The following DOCK5 variants were observed in gnomAD, a reference collection of about 807,000 sequenced individuals.
DOCK5 encodes the protein dedicator of cytokinesis protein 5.
A neutral mutation model predicts 251.8 loss-of-function variants in DOCK5; 142 were observed. That is an observed-to-expected ratio of 0.56 (90% CI 0.49 to 0.65). The LOEUF (loss-of-function observed/expected upper bound fraction) is 0.65, where lower values mean the gene tolerates loss of function less well. Ranked by LOEUF, DOCK5 falls within the 30% of genes least tolerant of loss-of-function variation. The pLI is 0.00. For missense variants in DOCK5, 2,111 were observed against 2,312.3 expected, an observed-to-expected ratio of 0.91 and a Z score of 1.79; for synonymous variants, 842 against 835.5, an observed-to-expected ratio of 1.01 and a Z score of -0.13.
chr8:25,184,801 A>C lies in DOCK5; in HGVS notation c.-108A>C, dbSNP rs1244266101. ...CGCGGAGTCCAGCGAAGTTTGGCGG[A>C]ACATGGCGGAAGCGTCTGGGGCACG... On this transcript the variant is annotated 5_prime_UTR_variant, in exon 1 of 52. Transcript: ENST00000276440. 1.9e-6 allele frequency: 2 copies of C among 1,072,262 alleles called. No individual in the cohort carries two copies. Among genetic ancestry groups the C allele is most frequent in the African/African-American group, 1.7e-5 (1 of 60,510 alleles). 66.4% of individuals were successfully genotyped at this position (1,072,262 alleles called of 1,614,324 possible). A position where few individuals can be genotyped will look rare whatever the true frequency, so the allele number is the denominator to read the frequency against.
At chr8:25,193,597 C>CA (rs201451044) in intron 1 of DOCK5, among the ~76,000 whole-genome samples, 5,612 of 149,228 alleles carry the variant, frequency 0.038, 183 homozygotes, top group African/African-American at 0.083. Context: ...CCCGTCTCTA[C>CA]AAAAAAAAAT....
chr8:25,389,136 GACTTCAGCCTGAGGTTGTTA>G lies in DOCK5; in HGVS notation c.4180_4199del (p.Phe1394ProfsTer44). The G allele has an allele frequency of 6.2e-7, 1 of 1,613,992 alleles. No homozygotes were observed. The highest frequency in any genetic ancestry group is 8.5e-7 in the Non-Finnish European group (1 of 1,179,880). ...GGGAAAGGAGTATGAGAGGCGAGAG[GACTTCAGCCTGAGGTTGTTA>G]ACCCAGTTCCCCAATGCGGAGAAGA... On this transcript the variant is annotated frameshift_variant, in exon 41 of 52. Coordinates refer to ENST00000276440, the MANE Select transcript of DOCK5 (RefSeq NM_024940.8). LOFTEE classifies it high-confidence loss of function.
chr8:25,401,415 G>C (rs1424662319), intron 47 of DOCK5, among the ~76,000 whole-genome samples: 2 of 152,058 alleles, frequency 1.3e-5, no homozygotes, highest in Non-Finnish European at 2.9e-5. Flanking sequence ...TGCTGGTCTG[G>C]GGACAACACT....
intron 2 of DOCK5, among the ~76,000 whole-genome samples, chr8:25,251,641 T>C (rs1479874463): frequency 6.6e-6 from 1 of 152,182 alleles, no homozygotes; most frequent in Non-Finnish European, 1.5e-5. Flanking sequence ...GTAAGTTACA[T>C]GGCAATGAAT....
chr8:25,204,643 A>G (rs943757457), intron 1 of DOCK5, among the ~76,000 whole-genome samples: 3 of 152,212 alleles, frequency 2.0e-5, no homozygotes, highest in African/African-American at 7.2e-5. Flanking sequence ...AAAGAACCCC[A>G]TTACTTTATG....
At chr8:25,386,810 C>A (rs1567124) in intron 40 of DOCK5, among the ~76,000 whole-genome samples, 44,214 of 152,004 alleles carry the variant, frequency 0.29, 6,532 homozygotes, top group Non-Finnish European at 0.32. Context: ...AAAGCATTCT[C>A]GTCTAAATCA....
At chr8:25,203,281 A>G (rs960569081) in intron 1 of DOCK5, among the ~76,000 whole-genome samples, 11 of 152,156 alleles carry the variant, frequency 7.2e-5, no homozygotes, top group Non-Finnish European at 1.6e-4. Flanking sequence ...TACTGGAGTC[A>G]TTTTTCAGAA....
chr8:25,307,861 C>T (rs773056727), intron 11 of DOCK5, among the ~76,000 whole-genome samples: 5 of 152,274 alleles, frequency 3.3e-5, no homozygotes, highest in South Asian at 4.1e-4. Context: ...TTATGGCAAG[C>T]GCTACTATAA....
At position 25,392,811 on chromosome 8, in the gene DOCK5, C is replaced by T. The variant is rs761058988; in HGVS notation, c.4456C>T (p.Arg1486Trp). ...DNEFATMWIE[R>W]TTYTTAYTFP... ...TTGCCACCAGACGATGTGGATTGAA[C>T]GGACCACGTATACGACTGCATATAC... The change falls in exon 44 of 52, where the codon CGG (arginine) becomes TGG (tryptophan). Residue 1486 changes from arginine to tryptophan, a missense_variant. Arg to Trp is a moderately radical substitution (Grantham distance 101). Around this residue, in one of 3 missense-constraint regions of DOCK5, gnomAD observed 1,717 missense variants for 1,892.4 expected, o/e 0.91. Coordinates refer to ENST00000276440, the MANE Select transcript of DOCK5 (RefSeq NM_024940.8). 8.1e-6 allele frequency: 13 copies of T among 1,612,706 alleles called. No individual in the cohort carries two copies. Among genetic ancestry groups the T allele is most frequent in the Admixed American group, 1.7e-5 (1 of 59,886 alleles).
intron 2 of DOCK5, among the ~76,000 whole-genome samples, chr8:25,261,747 C>T (rs906997052): frequency 4.6e-5 from 7 of 152,134 alleles, no homozygotes; most frequent in African/African-American, 9.7e-5. Context: ...GAAAATTCCG[C>T]GGTATCTTTA....
chr8:25,267,452 A>C (rs1370001032), intron 2 of DOCK5, among the ~76,000 whole-genome samples: 1 of 152,250 alleles, frequency 6.6e-6, no homozygotes, highest in African/African-American at 2.4e-5. Context: ...TTTTCTACCC[A>C]TAACATGCAC....
At chr8:25,345,895 G>T (rs941430052) in intron 26 of DOCK5, among the ~76,000 whole-genome samples, 1 of 152,030 alleles carries the variant, frequency 6.6e-6, no homozygotes, top group African/African-American at 2.4e-5. Context: ...TGTCGCCCAG[G>T]CTGGAGTGCA....
At chr8:25,375,013 C>T in intron 37 of DOCK5, 1 of 1,100,732 alleles carries the variant, frequency 9.1e-7, no homozygotes, top group Non-Finnish European at 1.1e-6. Context: ...TAGAAGTACT[C>T]TATTTTTATT....
chr8:25,196,249 A>G (rs1801722926), intron 1 of DOCK5, among the ~76,000 whole-genome samples: 1 of 152,232 alleles, frequency 6.6e-6, no homozygotes, highest in South Asian at 2.1e-4. Context: ...CTACCTGGAA[A>G]GAAAATGCTT....
chr8:25,275,956 T>C (rs1442886420), intron 4 of DOCK5, among the ~76,000 whole-genome samples: 2 of 152,246 alleles, frequency 1.3e-5, no homozygotes, highest in Non-Finnish European at 2.9e-5. Context: ...TTTCTATAAT[T>C]GTTCCTCCTT....
At chr8:25,227,611 T>C (rs1019634231) in intron 1 of DOCK5, among the ~76,000 whole-genome samples, 2 of 152,206 alleles carry the variant, frequency 1.3e-5, no homozygotes, top group Non-Finnish European at 2.9e-5. Flanking sequence ...TTGTGAACTC[T>C]CAGATACTTT....
chr8:25,199,066 C>T (rs968584751), intron 1 of DOCK5, among the ~76,000 whole-genome samples: 1 of 152,274 alleles, frequency 6.6e-6, no homozygotes, highest in African/African-American at 2.4e-5. Flanking sequence ...TGACTTCTCA[C>T]GTGGTTTCAG....
chr8:25,220,194 T>C (rs963360802), intron 1 of DOCK5, among the ~76,000 whole-genome samples: 1 of 152,016 alleles, frequency 6.6e-6, no homozygotes, highest in Non-Finnish European at 1.5e-5. Context: ...CCTTTCCTTT[T>C]CTTTGTGTGT....
At position 25,208,698 on chromosome 8, in the gene DOCK5, C is replaced by T. The variant is rs74531273; in HGVS notation, c.43+23747C>T. On this transcript the variant is annotated intron_variant, in intron 1 of 51. Coordinates refer to ENST00000276440, the MANE Select transcript of DOCK5 (RefSeq NM_024940.8). ...ATAACTTTTATAGGCACAGGGGAAC[C>T]GAAAAATTTGTGTGATTGGCTTTAC... Among the ~76,000 whole-genome samples, 144 of 152,166 alleles carry T rather than the reference C, an allele frequency of 9.5e-4. 1 individual carries two copies. In the Middle Eastern group the frequency reaches 0.024, roughly 25 times the overall value.
Sources: allele counts gnomAD v4.1 joint callset (sites outside exome capture counted in the v4.1 genomes callset), GRCh38; gene constraint gnomAD v4.1.1; regional missense constraint gnomAD v4.1.1; transcripts MANE v1.5; gene names NCBI Gene and HGNC (gene_info 2026-07-23, HGNC 2026-07-21).